The following LCA5L variants were observed in gnomAD, a reference collection of about 807,000 sequenced individuals.
LCA5L encodes lebercilin-like protein.
A neutral mutation model predicts 45.4 loss-of-function variants in LCA5L; 35 were observed. The observed-to-expected ratio is 0.77, with a 90% CI of 0.59 to 1.02. LCA5L has a LOEUF of 1.02. Ranked by LOEUF, LCA5L falls within the 50% of genes least tolerant of loss-of-function variation. The pLI is 0.00. For synonymous variants in LCA5L, 233 were observed against 264.7 expected, an observed-to-expected ratio of 0.88 and a Z score of 1.16; for missense variants, 668 against 761.6, an observed-to-expected ratio of 0.88 and a Z score of 1.45.
At chr21:39,438,447 C>T (rs2223028) in intron 2 of LCA5L, among the ~76,000 whole-genome samples, 35,017 of 151,904 alleles carry the variant, frequency 0.23, 4,526 homozygotes, top group African/African-American at 0.35. Flanking sequence ...ATAAAAATAA[C>T]TGCATAAAAA....
chr21:39,439,511 T>C (rs917335707), intron 2 of LCA5L: 2 of 152,376 alleles, frequency 1.3e-5, no homozygotes, highest in East Asian at 3.9e-4. Flanking sequence ...ATTGCACTGT[T>C]ATAAATTTCA....
chr21:39,418,316 A>G (rs2041665859), intron 7 of LCA5L, among the ~76,000 whole-genome samples: 2 of 152,294 alleles, frequency 1.3e-5, no homozygotes, highest in South Asian at 4.1e-4. Context: ...ATTATTCCAT[A>G]GTAGTACATC....
chr21:39,432,617 C>T (rs1330792393), intron 3 of LCA5L, among the ~76,000 whole-genome samples: 1 of 152,134 alleles, frequency 6.6e-6, no homozygotes, highest in Non-Finnish European at 1.5e-5. Flanking sequence ...TGAACACAAC[C>T]ACATAATCTC....
chr21:39,423,546 T>C (rs911202902), intron 5 of LCA5L, 56 bp from the exon 6 acceptor site: 41 of 1,417,188 alleles, frequency 2.9e-5, no homozygotes, highest in Non-Finnish European at 3.6e-5. Flanking sequence ...TATGCAAATA[T>C]GCACATATGC....
intron 2 of LCA5L, among the ~76,000 whole-genome samples, chr21:39,436,669 C>T (rs774455653): frequency 3.6e-4 from 55 of 152,112 alleles, no homozygotes; most frequent in East Asian, 1.4e-3. Context: ...TTTGCAGAGA[C>T]GGGATTTTAC....
chr21:39,422,996 C>A lies in LCA5L; in HGVS notation c.817G>T (p.Ala273Ser), dbSNP rs548708923. Residue 273 changes from alanine to serine, a missense_variant, in exon 6 of 11, where the codon GCA (alanine) becomes TCA (serine). Coordinates refer to ENST00000288350, the MANE Select transcript of LCA5L (RefSeq NM_152505.4). ...CAGACCTGTATTTTTTTGTCATTTG[C>A]GTCCATTTTTGTTGTGATAATAGAT... ...KLSIITTKMD[A>S]NDKKIQSLEK... 20 of 1,612,200 alleles carry A rather than the reference C, an allele frequency of 1.2e-5. No individual in the cohort carries two copies. Among genetic ancestry groups the A allele is most frequent in the Non-Finnish European group, 1.6e-5 (19 of 1,179,580 alleles).
At position 39,423,288 on chromosome 21, in the gene LCA5L, C is replaced by A. The variant is rs146536316; in HGVS notation, c.525G>T (p.Leu175Phe). 142 of 1,608,588 alleles carry A rather than the reference C, an allele frequency of 8.8e-5. 1 individual carries two copies. In the African/African-American group the frequency reaches 1.6e-3, roughly 18 times the overall value. The change falls in exon 6 of 11, where the codon TTG becomes TTT. Residue 175 changes from leucine to phenylalanine, a missense_variant. Leu to Phe is a conservative substitution (Grantham distance 22). Transcript: ENST00000288350. ...LEAILTENQF[L>F]KQLQLRHLKA... ...TCAAATGCCTAAGCTGAAGTTGTTT[C>A]AAAAATTGGTTTTCTGTAAGGATGG... is the stretch of plus-strand genomic sequence containing the variant.
In LCA5L at chr21:39,423,095, C is replaced by CT; in HGVS notation, c.717dup (p.Asp240ArgfsTer11). 6.2e-7 allele frequency: 1 copy of CT among 1,613,956 alleles called. No individual in the cohort carries two copies. Among genetic ancestry groups the CT allele is most frequent in the Non-Finnish European group, 8.5e-7 (1 of 1,179,812 alleles). ...AGTTTCTGCAGTGCCTGCAAGATATCTTTAGTCTTCAGTAACTGGCTGTCA... is the reference window on the plus strand; with the variant it reads ...AGTTTCTGCAGTGCCTGCAAGATATCTTTTAGTCTTCAGTAACTGGCTGTCA... On this transcript the variant is annotated frameshift_variant, in exon 6 of 11. Coordinates refer to ENST00000288350, the MANE Select transcript of LCA5L (RefSeq NM_152505.4). LOFTEE classifies it high-confidence loss of function.
At chr21:39,420,160 A>C (rs74637271) in intron 7 of LCA5L, among the ~76,000 whole-genome samples, 4,195 of 152,280 alleles carry the variant, frequency 0.028, 96 homozygotes, top group Middle Eastern at 0.041. Flanking sequence ...AACTCATTCT[A>C]ATAATTGCAG....
chr21:39,416,771 C>T (rs1269360897), intron 7 of LCA5L, among the ~76,000 whole-genome samples: 1 of 152,136 alleles, frequency 6.6e-6, no homozygotes, highest in Non-Finnish European at 1.5e-5. Flanking sequence ...ACAACATCAA[C>T]ATCATTACCA....
chr21:39,431,458 C>T (rs929707386), intron 3 of LCA5L, among the ~76,000 whole-genome samples: 7 of 151,664 alleles, frequency 4.6e-5, no homozygotes, highest in African/African-American at 1.7e-4. Context: ...GGTGGTCTTA[C>T]CATAAAGACA....
Position 39,409,354 on chromosome 21 carries a change from T to C in LCA5L, c.1282+625A>G, listed in dbSNP as rs2039676091. 6.6e-6 allele frequency among the ~76,000 whole-genome samples: 1 copy of C among 152,042 alleles called. No individual in the cohort carries two copies. Among genetic ancestry groups the C allele is most frequent in the South Asian group, 2.1e-4 (1 of 4,822 alleles). ...GTTTAAACCGGCAGTCTGTGGTATT[T>C]TCTTATGGCAGCCCAAGCAGACGAA... is the stretch of plus-strand genomic sequence containing the variant. On this transcript the variant is annotated intron_variant, in intron 10 of 10. Transcript: ENST00000288350. This position sits in a 1 kb window ranked among gnomAD's most constrained non-coding sequence, Gnocchi z 4.2.
Position 39,409,583 on chromosome 21 carries a change from C to T in LCA5L, c.1282+396G>A, listed in dbSNP as rs143409059. ...GTTCCTTTCATTATAATTCTGGAAACGGTTTTATGTTTTTTTTTTAATTTT... is the reference window on the plus strand; with the variant it reads ...GTTCCTTTCATTATAATTCTGGAAATGGTTTTATGTTTTTTTTTTAATTTT... On this transcript the variant is annotated intron_variant, in intron 10 of 10. Transcript: ENST00000288350. The surrounding 1 kb of genome is among the most constrained non-coding windows in gnomAD (Gnocchi z 4.2). Among the ~76,000 whole-genome samples the T allele has an allele frequency of 1.2e-3, 186 of 151,916 alleles. No homozygotes were observed. Among genetic ancestry groups the T allele is most frequent in the South Asian group, 6.2e-3 (30 of 4,818 alleles).
At chr21:39,435,302 C>G (rs551861507) in intron 3 of LCA5L, 118 bp downstream of exon 3, 1 of 152,244 alleles carries the variant, frequency 6.6e-6, no homozygotes, top group Non-Finnish European at 1.5e-5. Flanking sequence ...TGTTCAAGAT[C>G]AAGGTATATG....
At chr21:39,428,598 A>ATATATATATATATATATATTTTT (rs1242243392) in intron 4 of LCA5L, 95 bp from the exon 5 acceptor site, 1 of 32,034 alleles carries the variant, frequency 3.1e-5, no homozygotes, top group East Asian at 1.4e-3. Context: ...ATATATATAT[A>ATATATATATATATATATATTTTT]TTTTTTTTTT....
At chr21:39,411,179 T>G (rs1373928197) in intron 8 of LCA5L, 1 of 263,428 alleles carries the variant, frequency 3.8e-6, no homozygotes, top group East Asian at 1.0e-4. Context: ...TAGGCTATTG[T>G]GACCAAAGGA....
At chr21:39,420,614 TAAA>T in intron 7 of LCA5L, 89 bp downstream of exon 7, 1 of 1,119,510 alleles carries the variant, frequency 8.9e-7, no homozygotes, top group Non-Finnish European at 1.3e-6. Flanking sequence ...GTATGTAAAA[TAAA>T]AAATCACTTA....
intron 7 of LCA5L, among the ~76,000 whole-genome samples, chr21:39,419,052 A>C (rs1225771346): frequency 6.6e-6 from 1 of 152,056 alleles, no homozygotes; most frequent in Non-Finnish European, 1.5e-5. Context: ...TTACAAAGGG[A>C]AAATTTTCTT....
chr21:39,406,704 T>C, intron 10 of LCA5L, 92 bp from the exon 11 acceptor site: 1 of 927,536 alleles, frequency 1.1e-6, no homozygotes, highest in South Asian at 1.7e-5. Flanking sequence ...GTGCACCGCC[T>C]CACAAGCACA....
Sources: allele counts gnomAD v4.1 joint callset (sites outside exome capture counted in the v4.1 genomes callset), GRCh38; gene constraint gnomAD v4.1.1; non-coding constraint Gnocchi (gnomAD v3.1); transcripts MANE v1.5; gene names NCBI Gene and HGNC (gene_info 2026-07-23, HGNC 2026-07-21).